The following SV2C variants were observed in gnomAD, a reference collection of about 807,000 sequenced individuals.
The protein encoded by SV2C is synaptic vesicle glycoprotein 2C.
A neutral mutation model predicts 79.7 loss-of-function variants in SV2C; 49 were observed. The ratio of observed to expected loss-of-function variants is 0.61; its 90% CI spans 0.49 to 0.78. SV2C has a LOEUF of 0.78. Among genes scored for constraint, SV2C ranks in the 30% least tolerant of loss-of-function variants. The pLI, the probability that SV2C is intolerant of heterozygous loss-of-function variation, is 0.00. For missense variants in SV2C, 833 were observed against 912.9 expected (o/e 0.91, Z 1.13); for synonymous variants, 334 against 333.2 (o/e 1.00, Z -0.03).
At chr5:76,260,147 A>G (rs976412886) in intron 4 of SV2C, among the ~76,000 whole-genome samples, 1 of 152,182 alleles carries the variant, frequency 6.6e-6, no homozygotes, top group African/African-American at 2.4e-5. Flanking sequence ...AACTGGCATG[A>G]GATGGTATAT....
At chr5:76,047,827 G>A in the SV2C span, among the ~76,000 whole-genome samples, 2 of 146,962 alleles carry the variant, frequency 1.4e-5, no homozygotes, top group Admixed American at 6.9e-5. Flanking sequence ...GTGCAGTGGC[G>A]CGATCGCAGC....
At chr5:76,123,742 T>C (rs560892886) in intron 1 of SV2C, among the ~76,000 whole-genome samples, 2 of 152,304 alleles carry the variant, frequency 1.3e-5, no homozygotes, top group East Asian at 3.9e-4. Context: ...TGAATAGTCT[T>C]GGGAGTTTTC....
chr5:76,317,785 C>T (rs1184310319), intron 12 of SV2C, among the ~76,000 whole-genome samples: 2 of 152,198 alleles, frequency 1.3e-5, no homozygotes, highest in African/African-American at 4.8e-5. Flanking sequence ...GCTATGATTA[C>T]ACCACTGCAC....
At chr5:76,228,231 C>T (rs1434485897) in intron 4 of SV2C, among the ~76,000 whole-genome samples, 3 of 152,132 alleles carry the variant, frequency 2.0e-5, no homozygotes, top group South Asian at 2.1e-4. Context: ...TGCTATTAAG[C>T]GTCGACTCCA....
At chr5:76,299,003 G>C in intron 10 of SV2C, 76 bp downstream of exon 10, 1 of 1,500,114 alleles carries the variant, frequency 6.7e-7, no homozygotes, top group South Asian at 1.3e-5. Flanking sequence ...GTGATAATGT[G>C]GGCAGAGGCT....
the SV2C span, among the ~76,000 whole-genome samples, chr5:75,970,806 C>A: frequency 6.6e-5 from 10 of 152,098 alleles, no homozygotes; most frequent in Non-Finnish European, 1.5e-4. Context: ...AAGAGGGAAT[C>A]CTCCCTAACT....
At chr5:76,087,811 C>T (rs922798833) in intron 1 of SV2C, among the ~76,000 whole-genome samples, 5 of 152,124 alleles carry the variant, frequency 3.3e-5, no homozygotes, top group Non-Finnish European at 1.5e-5. Context: ...CAGTGAAATA[C>T]CATTCTGTTT....
chr5:75,958,234 A>G, the SV2C span, among the ~76,000 whole-genome samples: 8 of 151,922 alleles, frequency 5.3e-5, no homozygotes, highest in Admixed American at 3.9e-4. Context: ...TCAACTGACT[A>G]TGTGACCAGA....
At chr5:75,848,393 C>T in the SV2C span, among the ~76,000 whole-genome samples, 1 of 152,136 alleles carries the variant, frequency 6.6e-6, no homozygotes, top group Non-Finnish European at 1.5e-5. Flanking sequence ...TCTACCAAGG[C>T]CACAGTGCTC....
intron 9 of SV2C, among the ~76,000 whole-genome samples, chr5:76,297,621 G>T (rs1443176416): frequency 6.6e-6 from 1 of 152,054 alleles, no homozygotes; most frequent in African/African-American, 2.4e-5. Context: ...TTTACTCTGG[G>T]TCCCTGGAGT....
Position 76,307,608 on chromosome 5 carries a change from A to G in SV2C, c.2000+6063A>G, listed in dbSNP as rs142081501. On this transcript the variant is annotated intron_variant, in intron 12 of 12. Transcript: ENST00000502798. Reference sequence around the variant, plus strand: ...AATTTAACTATTTGAATACTTTTTCAGTGCTGCCCTTTTTCTCTTCTGCCT... The same window carrying G: ...AATTTAACTATTTGAATACTTTTTCGGTGCTGCCCTTTTTCTCTTCTGCCT... Among the ~76,000 whole-genome samples, 595 of 152,244 alleles carry G rather than the reference A, an allele frequency of 3.9e-3. 6 individuals carry two copies. The highest frequency in any genetic ancestry group is 0.014 in the African/African-American group (566 of 41,516).
At chr5:76,008,969 C>T in the SV2C span, among the ~76,000 whole-genome samples, 2,155 of 152,188 alleles carry the variant, frequency 0.014, 32 homozygotes, top group South Asian at 0.052. Context: ...CTGCTTAGAA[C>T]GCTGTCCCCC....
chr5:76,077,440 T>C, the SV2C span, among the ~76,000 whole-genome samples: 1 of 152,276 alleles, frequency 6.6e-6, no homozygotes, highest in South Asian at 2.1e-4. Context: ...CTTATTTGGA[T>C]CTTGATTCAA....
the SV2C span, among the ~76,000 whole-genome samples, chr5:75,949,252 T>C: frequency 6.6e-6 from 1 of 152,032 alleles, no homozygotes; most frequent in Non-Finnish European, 1.5e-5. Context: ...GTGAGCCAAT[T>C]AAACCTCTTT....
At chr5:75,965,527 T>A in the SV2C span, among the ~76,000 whole-genome samples, 2 of 152,186 alleles carry the variant, frequency 1.3e-5, no homozygotes, top group Non-Finnish European at 1.5e-5. Context: ...GAACAGGTGC[T>A]CACCAGACAC....
the SV2C span, among the ~76,000 whole-genome samples, chr5:75,865,265 C>T: frequency 6.6e-6 from 1 of 152,212 alleles, no homozygotes; most frequent in Non-Finnish European, 1.5e-5. Context: ...GTCCATCTGG[C>T]ATTATGTCTG....
intron 2 of SV2C, among the ~76,000 whole-genome samples, chr5:76,170,645 T>G (rs1743192794): frequency 6.7e-6 from 1 of 148,404 alleles, no homozygotes; most frequent in African/African-American, 2.5e-5. Flanking sequence ...TTGAAAAGTC[T>G]GGACATTTCC....
the SV2C span, among the ~76,000 whole-genome samples, chr5:75,997,734 C>T: frequency 6.6e-6 from 1 of 152,314 alleles, no homozygotes; most frequent in South Asian, 2.1e-4. Context: ...GACTTTTACA[C>T]TGTTGGTGGG....
chr5:75,856,254 T>C, the SV2C span, among the ~76,000 whole-genome samples: 3 of 152,212 alleles, frequency 2.0e-5, no homozygotes, highest in South Asian at 2.1e-4. Flanking sequence ...GCAACAGACA[T>C]AGGAGTGCAG....
Sources: allele counts gnomAD v4.1 joint callset (sites outside exome capture counted in the v4.1 genomes callset), GRCh38; gene constraint gnomAD v4.1.1; transcripts MANE v1.5; gene names NCBI Gene and HGNC (gene_info 2026-07-23, HGNC 2026-07-21).